MIER2: variants seen among roughly 807,000 people sequenced by gnomAD.
MIER2 encodes MIER family member 2.
MIER2 carries 30 observed loss-of-function variants against 67.6 expected under a neutral mutation model. The ratio of observed to expected loss-of-function variants is 0.44; its 90% CI spans 0.33 to 0.60. The LOEUF is 0.60. Ranked by LOEUF, MIER2 falls within the 20% of genes least tolerant of loss-of-function variation. MIER2 has a pLI of 0.02. For synonymous variants in MIER2, 372 were observed against 312.6 expected (o/e 1.19, Z -2.00); for missense variants, 702 against 745.1 (o/e 0.94, Z 0.67).
At chr19:310,224 CCTCA>C (rs1407241152) in intron 10 of MIER2, among the ~76,000 whole-genome samples, 1 of 152,250 alleles carries the variant, frequency 6.6e-6, no homozygotes, top group African/African-American at 2.4e-5. Flanking sequence ...GAAAAGACCC[CCTCA>C]CCTGGACATG....
intron 1 of MIER2, among the ~76,000 whole-genome samples, chr19:338,571 G>A (rs974712353): frequency 7.0e-5 from 10 of 143,072 alleles, no homozygotes; most frequent in Admixed American, 1.4e-4. Context: ...AGAAACCCAC[G>A]AGCCGATTTC....
At chr19:307,940 G>A (rs1199247203) in intron 12 of MIER2, among the ~76,000 whole-genome samples, 1 of 124,598 alleles carries the variant, frequency 8.0e-6, no homozygotes, top group South Asian at 2.2e-4. Flanking sequence ...CAGCGCAAGG[G>A]GCCTCACCAC....
At chr19:343,715 C>T in intron 1 of MIER2, 1 of 511,698 alleles carries the variant, frequency 2.0e-6, no homozygotes. Flanking sequence ...AGGATCAGCT[C>T]TTGAGTCTGC....
At chr19:306,796 G>A (rs893025664) in intron 13 of MIER2, 85 bp from the exon 14 acceptor site, 63 of 1,541,870 alleles carry the variant, frequency 4.1e-5, no homozygotes, top group Admixed American at 2.9e-4. Context: ...CGCTGGACTC[G>A]AGACTCCCAG....
In MIER2 at chr19:308,071, G is replaced by A. The variant is rs545874451; in HGVS notation, c.1198+506C>T. On this transcript the variant is annotated intron_variant, in intron 12 of 13. Transcript: ENST00000264819. The surrounding 1 kb of genome is among the most constrained non-coding windows in gnomAD (Gnocchi z 9.1). ...CTAAACACAGAGCCAGAAAGCAAAG[G>A]ATCCTCGTTTGCACCCTCCCCGTGT... is the stretch of plus-strand genomic sequence containing the variant. Among the ~76,000 whole-genome samples, 6 of 152,154 alleles carry A rather than the reference G, an allele frequency of 3.9e-5. No individual in the cohort carries two copies. Among genetic ancestry groups the A allele is most frequent in the Non-Finnish European group, 7.3e-5 (5 of 68,034 alleles).
At chr19:318,649 G>A (rs1055151011) in intron 7 of MIER2, among the ~76,000 whole-genome samples, 5 of 152,188 alleles carry the variant, frequency 3.3e-5, no homozygotes, top group East Asian at 1.9e-4. Flanking sequence ...CTTCAAACAC[G>A]TACAACATTT....
chr19:327,316 C>G, intron 4 of MIER2, 60 bp from the exon 5 acceptor site: 1 of 1,538,542 alleles, frequency 6.5e-7, no homozygotes, highest in Non-Finnish European at 8.7e-7. Flanking sequence ...CGCAATACCA[C>G]TAATGATAAC....
At chr19:344,274 G>A in intron 1 of MIER2, 1 of 985,330 alleles carries the variant, frequency 1.0e-6, no homozygotes. Flanking sequence ...GCCCCGCCGG[G>A]GGGCTCGCGG....
intron 7 of MIER2, among the ~76,000 whole-genome samples, chr19:316,485 T>C (rs1222280364): frequency 3.3e-5 from 5 of 152,154 alleles, no homozygotes; most frequent in Admixed American, 3.3e-4. Context: ...ACACAGGGTT[T>C]CACCATGTTG....
intron 7 of MIER2, among the ~76,000 whole-genome samples, chr19:323,839 C>A (rs1422692612): frequency 6.6e-6 from 1 of 151,938 alleles, no homozygotes; most frequent in Admixed American, 6.6e-5. Flanking sequence ...CAAAACCACA[C>A]AGACAACTCG....
Position 306,660 on chromosome 19 carries a change from T to G in MIER2, c.*30A>C. ...CCCAGCGGCAGCGCTAAGTCCAGTC[T>G]GGGCCGCATACGCCGCCCGCGGCCA... On this transcript the variant is annotated 3_prime_UTR_variant, in exon 14 of 14. Transcript: ENST00000264819. 6.4e-7 allele frequency: 1 copy of G among 1,552,062 alleles called. No homozygotes were observed. The highest frequency in any genetic ancestry group is 8.7e-7 in the Non-Finnish European group (1 of 1,147,474).
At position 308,193 on chromosome 19, in the gene MIER2, C is replaced by T. The variant is rs537911758; in HGVS notation, c.1198+384G>A. 6.6e-6 allele frequency among the ~76,000 whole-genome samples: 1 copy of T among 152,324 alleles called. No individual in the cohort carries two copies. Among genetic ancestry groups the T allele is most frequent in the South Asian group, 2.1e-4 (1 of 4,830 alleles). Reference sequence around the variant, plus strand: ...TCCGTCATGGCCTCAGGTGCAAGATCCTGGCGACGGCTCCGGACACCCTGT... The same window carrying T: ...TCCGTCATGGCCTCAGGTGCAAGATTCTGGCGACGGCTCCGGACACCCTGT... On this transcript the variant is annotated intron_variant, in intron 12 of 13. Coordinates refer to ENST00000264819, the MANE Select transcript of MIER2 (RefSeq NM_017550.3). The surrounding 1 kb of genome is among the most constrained non-coding windows in gnomAD (Gnocchi z 9.1).
intron 3 of MIER2, among the ~76,000 whole-genome samples, chr19:328,225 C>T (rs1263667477): frequency 6.6e-6 from 1 of 152,156 alleles, no homozygotes; most frequent in Non-Finnish European, 1.5e-5. Flanking sequence ...GGGAAGAGGG[C>T]ACCACCCTGC....
intron 7 of MIER2, among the ~76,000 whole-genome samples, chr19:318,567 T>G (rs1011300613): frequency 1.3e-5 from 2 of 152,144 alleles, no homozygotes; most frequent in African/African-American, 4.8e-5. Flanking sequence ...ACAGATGATG[T>G]GAACAACAAT....
intron 7 of MIER2, among the ~76,000 whole-genome samples, chr19:320,795 G>A (rs1032710898): frequency 6.6e-6 from 1 of 152,210 alleles, no homozygotes; most frequent in Non-Finnish European, 1.5e-5. Flanking sequence ...GCCAAAAAAG[G>A]TTGGGAGCCA....
At chr19:329,035 T>C (rs1428049689) in intron 3 of MIER2, among the ~76,000 whole-genome samples, 1 of 152,232 alleles carries the variant, frequency 6.6e-6, no homozygotes, top group East Asian at 1.9e-4. Flanking sequence ...TGTGAGCCTC[T>C]ATTCCACAGA....
At chr19:322,233 G>C (rs968526776) in intron 7 of MIER2, among the ~76,000 whole-genome samples, 4 of 152,084 alleles carry the variant, frequency 2.6e-5, no homozygotes, top group African/African-American at 7.2e-5. Context: ...AACTAAGTTG[G>C]ATCACAGCCT....
intron 7 of MIER2, among the ~76,000 whole-genome samples, chr19:323,216 C>T (rs1305054275): frequency 1.5e-5 from 2 of 133,826 alleles, no homozygotes; most frequent in Non-Finnish European, 3.3e-5. Context: ...CACACAACCA[C>T]GCAGACAACT....
intron 3 of MIER2, among the ~76,000 whole-genome samples, chr19:329,599 T>C (rs1002681674): frequency 6.6e-6 from 1 of 152,184 alleles, no homozygotes; most frequent in African/African-American, 2.4e-5. Context: ...CTTCAGAAGA[T>C]GCTGGACAGC....
Sources: allele counts gnomAD v4.1 joint callset (sites outside exome capture counted in the v4.1 genomes callset), GRCh38; gene constraint gnomAD v4.1.1; non-coding constraint Gnocchi (gnomAD v3.1); transcripts MANE v1.5; gene names NCBI Gene and HGNC (gene_info 2026-07-23, HGNC 2026-07-21).